Variants in FGF14 observed in about 807,000 individuals in gnomAD.
The protein encoded by FGF14 is fibroblast growth factor 14.
Under a neutral mutation model 25.5 loss-of-function variants are expected in FGF14, and 5 were observed. The observed-to-expected ratio is 0.20, with a 90% CI of 0.10 to 0.41. FGF14 has a LOEUF of 0.41. Among genes scored for constraint, FGF14 ranks in the 10% least tolerant of loss-of-function variants. FGF14 has a pLI of 1.00. For synonymous variants in FGF14, 138 were observed against 118.3 expected, an observed-to-expected ratio of 1.17 and a Z score of -1.08; for missense variants, 222 against 320.1, an observed-to-expected ratio of 0.69 and a Z score of 2.34.
intron 1 of FGF14, among the ~76,000 whole-genome samples, chr13:102,347,227 G>C (rs1163328144): frequency 6.6e-6 from 1 of 152,162 alleles, no homozygotes; most frequent in African/African-American, 2.4e-5. Context: ...CTAGGTACCA[G>C]GCCCTATGCT....
intron 1 of FGF14, among the ~76,000 whole-genome samples, chr13:102,368,942 C>T (rs1012261894): frequency 1.3e-5 from 2 of 152,220 alleles, no homozygotes; most frequent in African/African-American, 2.4e-5. Context: ...TTTTTTAAAG[C>T]GAATCCAGCC....
At chr13:101,792,780 G>T (rs1333417825) in intron 3 of FGF14, among the ~76,000 whole-genome samples, 1 of 152,064 alleles carries the variant, frequency 6.6e-6, no homozygotes, top group Non-Finnish European at 1.5e-5. Context: ...AAAATCAGAA[G>T]ATTTAGCAAG....
At chr13:102,137,108 C>G (rs73583512) in intron 1 of FGF14, among the ~76,000 whole-genome samples, 79 of 152,298 alleles carry the variant, frequency 5.2e-4, no homozygotes, top group African/African-American at 1.8e-3. Flanking sequence ...TCATTATGCT[C>G]TTAAACAGCC....
At chr13:101,846,469 C>A (rs2043465850) in intron 3 of FGF14, among the ~76,000 whole-genome samples, 1 of 152,038 alleles carries the variant, frequency 6.6e-6, no homozygotes, top group Non-Finnish European at 1.5e-5. Flanking sequence ...TCTATATTGA[C>A]TACACCCTCA....
intron 1 of FGF14, among the ~76,000 whole-genome samples, chr13:102,046,345 G>A (rs1871908561): frequency 6.6e-6 from 1 of 151,998 alleles, no homozygotes; most frequent in Non-Finnish European, 1.5e-5. Flanking sequence ...TAATGATGTG[G>A]GAAAATTAAT....
intron 2 of FGF14, among the ~76,000 whole-genome samples, chr13:101,870,330 AG>A (rs570240998): frequency 1.3e-5 from 2 of 152,278 alleles, no homozygotes; most frequent in African/African-American, 4.8e-5. Flanking sequence ...ACATCTTGAA[AG>A]AATGGGCACC....
intron 1 of FGF14, among the ~76,000 whole-genome samples, chr13:102,074,325 A>G (rs530750369): frequency 3.9e-5 from 6 of 152,258 alleles, no homozygotes; most frequent in African/African-American, 1.2e-4. Context: ...GCTATTCTTT[A>G]TGAGCTCCAG....
chr13:101,920,876 A>T (rs939118369), upstream of FGF14, among the ~76,000 whole-genome samples: 1 of 152,212 alleles, frequency 6.6e-6, no homozygotes, highest in African/African-American at 2.4e-5. Context: ...AGAGACTATG[A>T]TGAGGGTCTA....
intron 3 of FGF14, among the ~76,000 whole-genome samples, chr13:101,803,592 T>C (rs1321348723): frequency 5.8e-5 from 2 of 34,398 alleles, no homozygotes; most frequent in Non-Finnish European, 1.2e-4. Context: ...ATTGTATGTT[T>C]AGAATGCTGA....
At chr13:102,159,479 T>C (rs1364755574) in intron 1 of FGF14, among the ~76,000 whole-genome samples, 1 of 152,172 alleles carries the variant, frequency 6.6e-6, no homozygotes, top group Non-Finnish European at 1.5e-5. Flanking sequence ...CAAAGGAAAA[T>C]GCCAACTCTT....
At chr13:102,120,849 GCC>G (rs1402109255) in intron 1 of FGF14, among the ~76,000 whole-genome samples, 5 of 151,802 alleles carry the variant, frequency 3.3e-5, no homozygotes, top group Non-Finnish European at 5.9e-5. Flanking sequence ...GATTATAGGC[GCC>G]TGCCACCACA....
intron 1 of FGF14, among the ~76,000 whole-genome samples, chr13:102,037,101 A>G (rs2041514009): frequency 6.6e-6 from 1 of 152,150 alleles, no homozygotes; most frequent in South Asian, 2.1e-4. Flanking sequence ...GTTGGTGACT[A>G]ATTACTATCA....
intron 1 of FGF14, among the ~76,000 whole-genome samples, chr13:102,075,668 C>A (rs1217438323): frequency 6.6e-6 from 1 of 152,136 alleles, no homozygotes; most frequent in African/African-American, 2.4e-5. Context: ...CTATAATAGA[C>A]AAGTTAACTG....
chr13:102,178,140 T>C (rs2048521809), intron 1 of FGF14, among the ~76,000 whole-genome samples: 1 of 152,034 alleles, frequency 6.6e-6, no homozygotes. Flanking sequence ...CTTCAGCAGC[T>C]TGAAGAGAAA....
chr13:101,978,825 G>T (rs1023747722), intron 1 of FGF14, among the ~76,000 whole-genome samples: 10 of 152,122 alleles, frequency 6.6e-5, no homozygotes, highest in Non-Finnish European at 1.5e-4. Flanking sequence ...AGCCCTCCCT[G>T]GAAGAGGAGA....
In FGF14 at chr13:102,343,345, G is replaced by A. The variant is rs551179749; in HGVS notation, c.208+58126C>T. On this transcript the variant is annotated intron_variant, in intron 1 of 4. Coordinates refer to the FGF14 transcript ENST00000376131. The stretch of plus-strand genomic sequence containing the variant: ...CCTGGGGAGGATGAACAGAGACCAT[G>A]CATTTCAGGTAGACAGGGATGACTG... Among the ~76,000 whole-genome samples the A allele has an allele frequency of 5.9e-5, 9 of 152,320 alleles. No individual in the cohort carries two copies. The South Asian group carries it at 1.9e-3, about 32-fold the overall frequency.
chr13:102,113,783 A>G (rs888122526), intron 1 of FGF14, among the ~76,000 whole-genome samples: 2 of 152,208 alleles, frequency 1.3e-5, no homozygotes, highest in Admixed American at 6.5e-5. Context: ...TAAAATTAAG[A>G]TGTGTTTACA....
At chr13:102,133,814 A>G (rs774593191) in intron 1 of FGF14, among the ~76,000 whole-genome samples, 1 of 152,218 alleles carries the variant, frequency 6.6e-6, no homozygotes, top group Non-Finnish European at 1.5e-5. Flanking sequence ...CTGCATGTGG[A>G]GGTTAATACT....
intron 3 of FGF14, among the ~76,000 whole-genome samples, chr13:101,841,148 TA>T (rs530781562): frequency 2.0e-5 from 3 of 151,818 alleles, no homozygotes; most frequent in East Asian, 3.9e-4. Context: ...TCCTTTGATT[TA>T]AAAAAAACTT....
Sources: allele counts gnomAD v4.1 joint callset (sites outside exome capture counted in the v4.1 genomes callset), GRCh38; gene constraint gnomAD v4.1.1; transcripts MANE v1.5; gene names NCBI Gene and HGNC (gene_info 2026-07-23, HGNC 2026-07-21).